The following FAAH2 variants were observed in gnomAD, a reference collection of about 807,000 sequenced individuals.
FAAH2 encodes fatty-acid amide hydrolase 2.
FAAH2 carries 60 observed loss-of-function variants against 36.9 expected under a neutral mutation model. The observed-to-expected ratio is 1.63, with a 90% confidence interval of 1.32 to 2.02. The LOEUF (loss-of-function observed/expected upper bound fraction) is 2.02, where lower values mean the gene tolerates loss of function less well. Among genes scored for constraint, FAAH2 ranks in the 30% most tolerant of loss-of-function variants. FAAH2 has a pLI of 0.00. For missense variants in FAAH2, 689 were observed against 397.5 expected, an observed-to-expected ratio of 1.73 and a Z score of -6.23; for synonymous variants, 214 against 143.8, an observed-to-expected ratio of 1.49 and a Z score of -3.49.
intron 4 of FAAH2, among the ~76,000 whole-genome samples, chrX:57,338,660 A>G (rs946658372): frequency 2.7e-5 from 3 of 111,375 alleles, no homozygotes; most frequent in Admixed American, 9.6e-5. Flanking sequence ...CCAAATCACA[A>G]TTGCTACAAA....
At chrX:57,452,443 G>A (rs188970021) in intron 10 of FAAH2, 1 of 412,532 alleles carries the variant, frequency 2.4e-6, no homozygotes, top group Non-Finnish European at 3.0e-6. Context: ...GAGTGGGCTT[G>A]GTCACCTCCC....
At position 57,365,408 on chromosome X, in the gene FAAH2, T is replaced by C. The variant is rs1360975707; in HGVS notation, c.743-13243T>C. Among the ~76,000 whole-genome samples, 3 of 112,015 alleles carry C rather than the reference T, an allele frequency of 2.7e-5. No homozygotes were observed. In the Admixed American group the frequency reaches 2.8e-4, roughly 11 times the overall value. On this transcript the variant is annotated intron_variant, in intron 5 of 10. Coordinates refer to ENST00000374900, the MANE Select transcript of FAAH2 (RefSeq NM_174912.4). ...CTCCACTCTCTTCTGGTTTCTAAGATTTCTGCTGAAAGTTCTGCTATTAGC... is the reference window on the plus strand; with the variant it reads ...CTCCACTCTCTTCTGGTTTCTAAGACTTCTGCTGAAAGTTCTGCTATTAGC...
At chrX:57,278,027 C>A in the FAAH2 span, among the ~76,000 whole-genome samples, 1 of 111,395 alleles carries the variant, frequency 9.0e-6, no homozygotes, top group South Asian at 3.8e-4. Flanking sequence ...TAATGCCATC[C>A]CTATCAAGCT....
the FAAH2 span, among the ~76,000 whole-genome samples, chrX:57,245,821 A>G: frequency 8.9e-6 from 1 of 112,114 alleles, no homozygotes; most frequent in Non-Finnish European, 1.9e-5. Context: ...AACGATCTAG[A>G]GAAGCAAGAA....
chrX:57,178,926 T>C, the FAAH2 span, among the ~76,000 whole-genome samples: 1 of 111,653 alleles, frequency 9.0e-6, no homozygotes, highest in Admixed American at 9.5e-5. Flanking sequence ...AAGCTACCCA[T>C]GAATCAGAAA....
intron 5 of FAAH2, among the ~76,000 whole-genome samples, chrX:57,347,847 T>TGG (rs2053870955): frequency 9.1e-6 from 1 of 109,574 alleles, no homozygotes; most frequent in African/African-American, 3.3e-5. Context: ...TGGCAAAAAA[T>TGG]TTTTTGATGT....
chrX:57,417,213 G>A (rs1488392537), intron 7 of FAAH2, among the ~76,000 whole-genome samples: 1 of 111,809 alleles, frequency 8.9e-6, no homozygotes, highest in African/African-American at 3.3e-5. Flanking sequence ...ACCACCTTCT[G>A]AAGCCTTCTT....
the FAAH2 span, among the ~76,000 whole-genome samples, chrX:57,227,022 G>A: frequency 9.1e-6 from 1 of 110,195 alleles, no homozygotes; most frequent in African/African-American, 3.3e-5. Context: ...TTTTCTTTAA[G>A]CTATCTATTT....
intron 10 of FAAH2, among the ~76,000 whole-genome samples, chrX:57,454,207 A>G (rs1477978082): frequency 8.9e-6 from 1 of 112,018 alleles, no homozygotes; most frequent in African/African-American, 3.2e-5. Context: ...AACCTAAAAT[A>G]TTTTGCAAGT....
chrX:57,468,035 G>C (rs991634204), intron 10 of FAAH2, among the ~76,000 whole-genome samples: 1 of 112,050 alleles, frequency 8.9e-6, no homozygotes. Context: ...GCAGCTGATG[G>C]TCTACGCTGT....
chrX:57,279,282 AT>A, the FAAH2 span, among the ~76,000 whole-genome samples: 1 of 112,630 alleles, frequency 8.9e-6, no homozygotes, highest in Non-Finnish European at 1.9e-5. Context: ...ATAAAAAAGG[AT>A]GAGTTCATGT....
chrX:57,250,395 G>A, the FAAH2 span, among the ~76,000 whole-genome samples: 1 of 111,455 alleles, frequency 9.0e-6, no homozygotes, highest in Non-Finnish European at 1.9e-5. Context: ...AAACATTATG[G>A]CATTCAACAC....
At chrX:57,430,445 C>A (rs777342312) in intron 7 of FAAH2, among the ~76,000 whole-genome samples, 1 of 111,864 alleles carries the variant, frequency 8.9e-6, no homozygotes, top group African/African-American at 3.2e-5. Context: ...TTCTTCCCTT[C>A]ATTCAAGGGT....
At chrX:57,322,941 T>C (rs1449529372) in intron 3 of FAAH2, among the ~76,000 whole-genome samples, 1 of 110,637 alleles carries the variant, frequency 9.0e-6, no homozygotes, top group East Asian at 2.8e-4. Context: ...CATTAACTTG[T>C]CATTTAATAT....
intron 8 of FAAH2, among the ~76,000 whole-genome samples, chrX:57,440,559 T>C (rs1384540735): frequency 9.0e-6 from 1 of 111,608 alleles, no homozygotes; most frequent in Admixed American, 9.6e-5. Context: ...AGGGACAATT[T>C]GACTTCCTCT....
At chrX:57,324,462 C>G (rs2053145820) in intron 3 of FAAH2, among the ~76,000 whole-genome samples, 1 of 111,855 alleles carries the variant, frequency 8.9e-6, no homozygotes, top group East Asian at 2.8e-4. Flanking sequence ...TTGATTCTTC[C>G]TACCCATGAG....
rs5960267 is a variant in FAAH2 at position 57,400,845 on chromosome X, G to A, written c.996+19816G>A. Among the ~76,000 whole-genome samples, 1,098 of 112,444 alleles carry A rather than the reference G, an allele frequency of 9.8e-3. 15 individuals carry two copies. Among genetic ancestry groups the A allele is most frequent in the African/African-American group, 0.034 (1,058 of 30,991 alleles). ...AATTTAAGAACACTTGGGTGGGGCT[G>A]GGCGCAGTGGCTCATGCCTGCAATC... On this transcript the variant is annotated intron_variant, in intron 7 of 10. Transcript: ENST00000374900.
At chrX:57,221,214 A>T in the FAAH2 span, among the ~76,000 whole-genome samples, 1 of 110,752 alleles carries the variant, frequency 9.0e-6, no homozygotes, top group Non-Finnish European at 1.9e-5. Context: ...ATATCTTTCC[A>T]AAACTCCACA....
At position 57,327,653 on chromosome X, in the gene FAAH2, C is replaced by T. The variant is rs777195239; in HGVS notation, c.413-3945C>T. Among the ~76,000 whole-genome samples, 9 of 111,891 alleles carry T rather than the reference C, an allele frequency of 8.0e-5. No homozygotes were observed. In the East Asian group the frequency reaches 2.0e-3, roughly 25 times the overall value. On this transcript the variant is annotated intron_variant, in intron 3 of 10. Coordinates refer to ENST00000374900, the MANE Select transcript of FAAH2 (RefSeq NM_174912.4). ...AATCAGCTATTGAGGCTTGTGCATT[C>T]ATCATGTAGTTCTGGTGCTGTGGTT...
Sources: allele counts gnomAD v4.1 joint callset (sites outside exome capture counted in the v4.1 genomes callset), GRCh38; gene constraint gnomAD v4.1.1; transcripts MANE v1.5; gene names NCBI Gene and HGNC (gene_info 2026-07-23, HGNC 2026-07-21).